The following KCNJ1 variants were observed in gnomAD, a reference collection of about 807,000 sequenced individuals.
The protein encoded by KCNJ1 is ATP-sensitive inward rectifier potassium channel 1.
KCNJ1 carries 24 observed loss-of-function variants against 21.9 expected under a neutral mutation model. That is an observed-to-expected ratio of 1.10 (90% CI 0.79 to 1.54). The LOEUF is 1.54. Among genes scored for constraint, KCNJ1 ranks in the 40% most tolerant of loss-of-function variants. KCNJ1 has a pLI of 0.00. For synonymous variants in KCNJ1, 152 were observed against 160.9 expected, an observed-to-expected ratio of 0.94 and a Z score of 0.42; for missense variants, 457 against 455.4, an observed-to-expected ratio of 1.00 and a Z score of -0.03.
intron 2 of KCNJ1, among the ~76,000 whole-genome samples, chr11:128,848,287 C>CAAA (rs1002326097): frequency 2.3e-4 from 11 of 48,836 alleles, no homozygotes; most frequent in African/African-American, 3.7e-4. Flanking sequence ...GACTCCGTCT[C>CAAA]AAAAAAAAAA....
chr11:128,848,215 G>A (rs1024912714), intron 2 of KCNJ1, among the ~76,000 whole-genome samples: 8 of 150,902 alleles, frequency 5.3e-5, no homozygotes, highest in Non-Finnish European at 8.8e-5. Flanking sequence ...GTGAACCCGG[G>A]AGGCGGAGCT....
In KCNJ1 at chr11:128,842,891, T is replaced by A. The variant is rs148180158; in HGVS notation, c.-21-2627A>T. On this transcript the variant is annotated intron_variant, in intron 2 of 2. Transcript: ENST00000392666. Reference sequence around the variant, plus strand: ...TTCCAAGGGTTCACAAAGATGCAGGTGAACATACAGACATAAGTACATATT... The same window carrying A: ...TTCCAAGGGTTCACAAAGATGCAGGAGAACATACAGACATAAGTACATATT... Among the ~76,000 whole-genome samples, 68 of 152,268 alleles carry A rather than the reference T, an allele frequency of 4.5e-4. 1 individual carries two copies. The highest frequency in any genetic ancestry group is 1.6e-3 in the Admixed American group (24 of 15,298).
Position 128,853,122 on chromosome 11 carries a change from G to T in KCNJ1, c.-191-2232C>A, listed in dbSNP as rs572320372. On this transcript the variant is annotated intron_variant, in intron 1 of 2. Transcript: ENST00000392666. ...CAAAGACGTTCCTTAACCTCTCTGAGCTGCACTTTTCCATACTATATTGAT... is the reference window on the plus strand; with the variant it reads ...CAAAGACGTTCCTTAACCTCTCTGATCTGCACTTTTCCATACTATATTGAT... Among the ~76,000 whole-genome samples, 492 of 152,334 alleles carry T rather than the reference G, an allele frequency of 3.2e-3. 3 individuals are homozygous for T. The highest frequency in any genetic ancestry group is 4.7e-3 in the Non-Finnish European group (319 of 68,030).
At chr11:128,841,856 T>C (rs990007093) in intron 2 of KCNJ1, among the ~76,000 whole-genome samples, 9 of 152,212 alleles carry the variant, frequency 5.9e-5, no homozygotes, top group Non-Finnish European at 1.2e-4. Context: ...TAAACAGCAA[T>C]GCACATAGTC....
chr11:128,862,280 A>T (rs1943729065), intron 1 of KCNJ1, among the ~76,000 whole-genome samples: 1 of 152,132 alleles, frequency 6.6e-6, no homozygotes, highest in Admixed American at 6.5e-5. Context: ...TCCCCAGCAG[A>T]CCTCATCCTG....
intron 1 of KCNJ1, among the ~76,000 whole-genome samples, chr11:128,860,337 G>A (rs1034850997): frequency 6.6e-6 from 1 of 152,208 alleles, no homozygotes; most frequent in Non-Finnish European, 1.5e-5. Context: ...CAGGTTTCCC[G>A]TGAAGAATTC....
At chr11:128,859,365 C>T (rs1438347609) in intron 1 of KCNJ1, among the ~76,000 whole-genome samples, 5 of 152,150 alleles carry the variant, frequency 3.3e-5, no homozygotes, top group South Asian at 2.1e-4. Flanking sequence ...GGGATCCTCC[C>T]GCCTCAGCCT....
At chr11:128,841,665 G>A (rs1259896228) in intron 2 of KCNJ1, among the ~76,000 whole-genome samples, 1 of 152,138 alleles carries the variant, frequency 6.6e-6, no homozygotes, top group Non-Finnish European at 1.5e-5. Context: ...GAAACCAACT[G>A]AGTGATACAT....
rs764093643 is a variant in KCNJ1, at chr11:128,839,413, A to T, written c.831T>A (p.Phe277Leu). Residue 277 changes from phenylalanine to leucine, a missense_variant, in exon 3 of 3, where the codon TTT becomes TTA. By Grantham distance (22) the Phe-to-Leu change is conservative. Coordinates refer to ENST00000392666, the MANE Select transcript of KCNJ1 (RefSeq NM_153766.3). Reference protein sequence around the residue: ...LLQQDFELVVFLDGTVESTSA... With the variant: ...LLQQDFELVVLLDGTVESTSA... The stretch of plus-strand genomic sequence containing the variant: ...TGGTGGACTCCACTGTGCCATCTAA[A>T]AACACCACTAATTCAAAGTCCTGCT... 1 of 1,614,166 alleles carries T rather than the reference A, an allele frequency of 6.2e-7. No individual in the cohort carries two copies. Among genetic ancestry groups the T allele is most frequent in the South Asian group, 1.1e-5 (1 of 91,072 alleles).
intron 1 of KCNJ1, among the ~76,000 whole-genome samples, chr11:128,857,467 C>T (rs1395188444): frequency 1.3e-5 from 2 of 152,218 alleles, no homozygotes; most frequent in Non-Finnish European, 2.9e-5. Context: ...ACAGTAGAGA[C>T]TCTAAAAATC....
chr11:128,839,830 A>C lies in KCNJ1; in HGVS notation c.414T>G (p.Ile138Met). The change falls in exon 3 of 3, where the codon ATT becomes ATG. Residue 138 changes from isoleucine to methionine, a missense_variant. Transcript: ENST00000392666. ...GTATAGACTGAAAGATAAGCAGAAA[A>C]ATGGCAGTGGCACACTGTTCTGTCA... The part of the protein sequence containing the change: ...RCVTEQCATA[I>M]FLLIFQSILG... 6.2e-7 allele frequency: 1 copy of C among 1,614,198 alleles called. No individual in the cohort carries two copies. Among genetic ancestry groups the C allele is most frequent in the Non-Finnish European group, 8.5e-7 (1 of 1,180,026 alleles).
chr11:128,851,763 T>G (rs1026536393), intron 1 of KCNJ1, among the ~76,000 whole-genome samples: 11 of 152,208 alleles, frequency 7.2e-5, no homozygotes, highest in Non-Finnish European at 1.5e-5. Flanking sequence ...AGAAAACATA[T>G]AGGATGCCCA....
intron 2 of KCNJ1, among the ~76,000 whole-genome samples, chr11:128,847,562 C>T (rs187950163): frequency 4.6e-5 from 7 of 152,294 alleles, no homozygotes; most frequent in East Asian, 3.9e-4. Flanking sequence ...ATTTCAAGTT[C>T]GGCTTTTGAA....
intron 2 of KCNJ1, among the ~76,000 whole-genome samples, chr11:128,843,482 T>C (rs1943324267): frequency 6.6e-6 from 1 of 152,236 alleles, no homozygotes; most frequent in Non-Finnish European, 1.5e-5. Context: ...ATTCTTGTTC[T>C]ATAAACAATC....
chr11:128,840,319 C>G lies in KCNJ1; in HGVS notation c.-21-55G>C, dbSNP rs182061584. 992 of 1,542,062 alleles carry G rather than the reference C, an allele frequency of 6.4e-4. 10 individuals carry two copies. In the African/African-American group the frequency reaches 0.012, roughly 19 times the overall value. On this transcript the variant is annotated intron_variant, in intron 2 of 2. Transcript: ENST00000392666. ...GGATTATGTTTATAGCAATAGTGAA[C>G]TAGGTGACCCACATGAAAGACCTAA...
At position 128,839,128 on chromosome 11, in the gene KCNJ1, C is replaced by G; in HGVS notation, c.1116G>C (p.Met372Ile). 1 of 1,613,398 alleles carries G rather than the reference C, an allele frequency of 6.2e-7. No individual in the cohort carries two copies. The highest frequency in any genetic ancestry group is 8.5e-7 in the Non-Finnish European group (1 of 1,179,878). The part of the protein sequence containing the change: ...SEVNETDDTK[M>I] ...TACTCCCGTTGAAAAGCCACTGTTA[C>G]ATTTTGGTGTCATCTGTTTCATTGA... The change falls in exon 3 of 3, where the codon ATG (methionine) becomes ATC (isoleucine). Residue 372 changes from methionine (M) to isoleucine (I), a missense_variant. Transcript: ENST00000392666.
At chr11:128,862,447 C>T (rs1484581774) in intron 1 of KCNJ1, among the ~76,000 whole-genome samples, 5 of 152,220 alleles carry the variant, frequency 3.3e-5, no homozygotes, top group African/African-American at 1.2e-4. Context: ...TCTCCACTCC[C>T]TCTGAGGGGA....
At chr11:128,866,456 C>CTATGCACCAAAAAAA (rs1424171617) in intron 1 of KCNJ1, 2 of 516,340 alleles carry the variant, frequency 3.9e-6, no homozygotes, top group East Asian at 3.0e-4. Context: ...TGCGAAAGAC[C>CTATGCACCAAAAAAA]AACTCCTTTT....
At chr11:128,856,738 C>G (rs2135956117) in intron 1 of KCNJ1, among the ~76,000 whole-genome samples, 1 of 152,270 alleles carries the variant, frequency 6.6e-6, no homozygotes, top group East Asian at 1.9e-4. Flanking sequence ...TTCCTCTCAC[C>G]TCACACGCAA....
Sources: gnomAD v4.1 joint callset for allele counts (sites outside exome capture counted in the v4.1 genomes callset) on GRCh38, gnomAD v4.1.1 for gene constraint, MANE v1.5 for transcripts, NCBI Gene and HGNC (gene_info 2026-07-23, HGNC 2026-07-21) for gene names.